Variants in MTRF1 observed in about 807,000 individuals in gnomAD.
MTRF1 encodes mitochondrial translation release factor 1, also known as peptide chain release factor 1, mitochondrial.
In MTRF1, 51 loss-of-function variants were observed where a neutral mutation model predicts 62.9. The observed-to-expected ratio is 0.81, with a 90% CI of 0.65 to 1.02. The LOEUF is 1.02. MTRF1 is among the 50% of genes least tolerant of loss of function. MTRF1 has a pLI of 0.00. For missense variants in MTRF1, 446 were observed against 530.0 expected (o/e 0.84, Z 1.56); for synonymous variants, 158 against 181.9 (o/e 0.87, Z 1.06).
In MTRF1 at chr13:41,256,468, A is replaced by G. The variant is rs144194981; in HGVS notation, c.416-1848T>C. On this transcript the variant is annotated intron_variant, in intron 2 of 9. Coordinates refer to ENST00000379480, the MANE Select transcript of MTRF1 (RefSeq NM_004294.4). ...CAGCCTCCCGAGTAGTTGAGATTAC[A>G]GGCGCGCACCACCACACCCAGCTAA... Among the ~76,000 whole-genome samples, 491 of 152,044 alleles carry G rather than the reference A, an allele frequency of 3.2e-3. 3 individuals carry two copies. The highest frequency in any genetic ancestry group is 0.011 in the African/African-American group (448 of 41,458).
chr13:41,291,146 AAC>A, the MTRF1 span, among the ~76,000 whole-genome samples: 1 of 151,818 alleles, frequency 6.6e-6, no homozygotes, highest in Non-Finnish European at 1.5e-5. Flanking sequence ...GCCTCTATTC[AAC>A]AGGTAAATAA....
chr13:41,271,060 C>T, the MTRF1 span, among the ~76,000 whole-genome samples: 1 of 39,960 alleles, frequency 2.5e-5, no homozygotes, highest in Non-Finnish European at 7.3e-5. Flanking sequence ...TAAATACACA[C>T]ACACACACAC....
chr13:41,280,140 T>C, the MTRF1 span, among the ~76,000 whole-genome samples: 11 of 152,192 alleles, frequency 7.2e-5, no homozygotes, highest in African/African-American at 2.7e-4. Flanking sequence ...GTTCACTGTG[T>C]TGGCCAGGCT....
the MTRF1 span, among the ~76,000 whole-genome samples, chr13:41,274,433 T>A: frequency 6.6e-6 from 1 of 152,140 alleles, no homozygotes; most frequent in African/African-American, 2.4e-5. Context: ...TGTACAAATA[T>A]GAAGTTGAAC....
chr13:41,225,136 C>T (rs933606724), intron 8 of MTRF1, among the ~76,000 whole-genome samples: 6 of 144,452 alleles, frequency 4.2e-5, no homozygotes, highest in African/African-American at 1.3e-4. Context: ...CGCTTGAACC[C>T]GGGAGGCAGA....
chr13:41,299,825 T>C, the MTRF1 span, among the ~76,000 whole-genome samples: 1 of 152,002 alleles, frequency 6.6e-6, no homozygotes, highest in Non-Finnish European at 1.5e-5. Flanking sequence ...ATAATTCAAA[T>C]AAGACCTTAA....
chr13:41,257,693 G>C (rs2039910559), intron 2 of MTRF1: 1 of 380,388 alleles, frequency 2.6e-6, no homozygotes, highest in South Asian at 1.9e-5. Context: ...AGCTACTTGG[G>C]AGGCTGAGGT....
chr13:41,248,028 A>G (rs1401685802), intron 5 of MTRF1, among the ~76,000 whole-genome samples: 1 of 152,146 alleles, frequency 6.6e-6, no homozygotes, highest in Non-Finnish European at 1.5e-5. Flanking sequence ...TTTTCTCCAA[A>G]GCATAGTTAC....
At chr13:41,290,722 A>T in the MTRF1 span, among the ~76,000 whole-genome samples, 2 of 151,800 alleles carry the variant, frequency 1.3e-5, no homozygotes, top group Admixed American at 6.6e-5. Context: ...ATTAATAAAG[A>T]TATATTTGAA....
At chr13:41,304,073 T>C in the MTRF1 span, among the ~76,000 whole-genome samples, 373 of 152,286 alleles carry the variant, frequency 2.4e-3, 1 homozygote, top group Non-Finnish European at 4.0e-3. Context: ...CCCCAAATTC[T>C]TTCTTCGGTG....
At chr13:41,247,442 T>C (rs929094459) in intron 5 of MTRF1, among the ~76,000 whole-genome samples, 1 of 152,194 alleles carries the variant, frequency 6.6e-6, no homozygotes, top group African/African-American at 2.4e-5. Context: ...GTTAATTTGC[T>C]CAACTGATGA....
At chr13:41,311,523 G>A in the MTRF1 span, 2 of 1,601,200 alleles carry the variant, frequency 1.2e-6, no homozygotes, top group Non-Finnish European at 1.7e-6. Flanking sequence ...CTCCCTGCCG[G>A]CCACGATGCC....
rs368308904 is a variant in MTRF1, at chr13:41,223,202, G to T, written c.1224+54C>A. ...TATCTACATATATGTTCTAGAATTT[G>T]ACTATATTTTCTTCTGAAATCAAAG... On this transcript the variant is annotated intron_variant, in intron 9 of 9. Coordinates refer to ENST00000379480, the MANE Select transcript of MTRF1 (RefSeq NM_004294.4). 6 of 1,249,666 alleles carry T rather than the reference G, an allele frequency of 4.8e-6. No individual in the cohort carries two copies. The African/African-American group carries it at 7.5e-5, about 16-fold the overall frequency. 77.4% of individuals were successfully genotyped at this position (1,249,666 alleles called of 1,614,324 possible).
At chr13:41,255,520 C>A (rs1023958059) in intron 2 of MTRF1, among the ~76,000 whole-genome samples, 1 of 152,096 alleles carries the variant, frequency 6.6e-6, no homozygotes, top group Non-Finnish European at 1.5e-5. Context: ...GGTGAAATCC[C>A]ATCTCTACTA....
the MTRF1 span, among the ~76,000 whole-genome samples, chr13:41,299,515 G>C: frequency 6.6e-6 from 1 of 152,150 alleles, no homozygotes; most frequent in Non-Finnish European, 1.5e-5. Flanking sequence ...ATTTGCATGA[G>C]GAGGTGCTGT....
At chr13:41,305,463 C>CA in the MTRF1 span, among the ~76,000 whole-genome samples, 2 of 152,094 alleles carry the variant, frequency 1.3e-5, no homozygotes, top group African/African-American at 4.8e-5. Context: ...AACAGACAAA[C>CA]AAAAAAACCC....
chr13:41,228,034 C>T (rs1361787849), intron 7 of MTRF1, among the ~76,000 whole-genome samples: 1 of 152,198 alleles, frequency 6.6e-6, no homozygotes, highest in Non-Finnish European at 1.5e-5. Flanking sequence ...ATGAGCTCTC[C>T]TCCACATTCC....
the MTRF1 span, among the ~76,000 whole-genome samples, chr13:41,305,377 T>G: frequency 6.6e-6 from 1 of 152,154 alleles, no homozygotes; most frequent in East Asian, 1.9e-4. Flanking sequence ...TTTAAAAAAT[T>G]AAATCATCAG....
At chr13:41,238,314 G>C (rs552988832) in intron 6 of MTRF1, among the ~76,000 whole-genome samples, 23 of 152,158 alleles carry the variant, frequency 1.5e-4, no homozygotes, top group Non-Finnish European at 2.8e-4. Context: ...ACCCTAAAAG[G>C]CTACTATAGA....
Sources: allele counts gnomAD v4.1 joint callset (sites outside exome capture counted in the v4.1 genomes callset), GRCh38; gene constraint gnomAD v4.1.1; transcripts MANE v1.5; gene names NCBI Gene and HGNC (gene_info 2026-07-23, HGNC 2026-07-21).